Variants in CHN2 observed in about 807,000 individuals in gnomAD.
The protein encoded by CHN2 is chimerin 2, also known as beta-chimaerin.
In CHN2, 35 loss-of-function variants were observed where a neutral mutation model predicts 56.3. The observed-to-expected ratio is 0.62, with a 90% CI of 0.47 to 0.82. The LOEUF is 0.82. Among genes scored for constraint, CHN2 ranks in the 40% least tolerant of loss-of-function variants. The pLI is 0.00. For missense variants in CHN2, 491 were observed against 580.5 expected (o/e 0.85, Z 1.58); for synonymous variants, 210 against 212.8 (o/e 0.99, Z 0.12).
At chr7:29,508,259 A>G (rs1268483654) in intron 11 of CHN2, among the ~76,000 whole-genome samples, 1 of 151,728 alleles carries the variant, frequency 6.6e-6, no homozygotes. Context: ...GGAGAGAGGA[A>G]TAGAGTGAAA....
intron 1 of CHN2, among the ~76,000 whole-genome samples, chr7:29,303,139 A>T (rs1235807389): frequency 3.9e-5 from 6 of 152,214 alleles, no homozygotes; most frequent in Non-Finnish European, 5.9e-5. Flanking sequence ...CCCTGTCCCC[A>T]GTCATTCATC....
intron 6 of CHN2, among the ~76,000 whole-genome samples, chr7:29,432,429 T>C (rs7784412): frequency 0.038 from 5,813 of 152,268 alleles, 117 homozygotes; most frequent in South Asian, 0.057. Flanking sequence ...CTATGAACTC[T>C]ACCCACTTCC....
At chr7:29,379,704 A>G (rs1202221333) in intron 3 of CHN2, among the ~76,000 whole-genome samples, 2 of 152,182 alleles carry the variant, frequency 1.3e-5, no homozygotes, top group Non-Finnish European at 2.9e-5. Flanking sequence ...GAGTGGCAGG[A>G]TGTGCTCTGG....
In CHN2 at chr7:29,511,787, T is replaced by A. The variant is rs758074725; in HGVS notation, c.1236-777T>A. Among the ~76,000 whole-genome samples, 3 of 152,220 alleles carry A rather than the reference T, an allele frequency of 2.0e-5. No homozygotes were observed. In the South Asian group the frequency reaches 6.2e-4, roughly 32 times the overall value. On this transcript the variant is annotated intron_variant, in intron 12 of 12. Coordinates refer to ENST00000222792, the MANE Select transcript of CHN2 (RefSeq NM_004067.4). ...AACCCATTCCCTTTTACATCTATTA[T>A]GAACATTCTAAAACTTAAAGTTGTG...
At position 29,328,003 on chromosome 7, in the gene CHN2, T is replaced by C. The variant is rs1393105915; in HGVS notation, c.50-26622T>C. Among the ~76,000 whole-genome samples, 20 of 152,160 alleles carry C rather than the reference T, an allele frequency of 1.3e-4. 1 individual carries two copies. Among genetic ancestry groups the C allele is most frequent in the Admixed American group, 1.3e-3 (20 of 15,278 alleles). ...ATAATGTTTGATTGTCAGACATGGA[T>C]TCTATAGACGTTTTGAACAGAAAGC... On this transcript the variant is annotated intron_variant, in intron 1 of 12. Transcript: ENST00000222792.
intron 1 of CHN2, among the ~76,000 whole-genome samples, chr7:29,321,020 C>G (rs1795301984): frequency 6.6e-6 from 1 of 152,180 alleles, no homozygotes; most frequent in African/African-American, 2.4e-5. Context: ...TTAAAACTTC[C>G]TTGAGAATGA....
At chr7:29,478,734 C>T (rs1184380779) in intron 6 of CHN2, among the ~76,000 whole-genome samples, 2 of 152,182 alleles carry the variant, frequency 1.3e-5, no homozygotes, top group African/African-American at 4.8e-5. Context: ...CCATATGCTG[C>T]AGATTAAATG....
intron 3 of CHN2, among the ~76,000 whole-genome samples, chr7:29,376,032 A>G (rs1321528562): frequency 1.3e-5 from 2 of 152,236 alleles, no homozygotes; most frequent in Admixed American, 6.5e-5. Context: ...CAGATAAGCC[A>G]TGTCTCCTAC....
intron 1 of CHN2, among the ~76,000 whole-genome samples, chr7:29,310,401 A>C (rs1156289265): frequency 6.6e-6 from 1 of 152,236 alleles, no homozygotes; most frequent in Non-Finnish European, 1.5e-5. Context: ...TGTATTTGCA[A>C]TTAAAATGTA....
In CHN2 at chr7:29,398,355, ATGGTCT is replaced by A; in HGVS notation, c.177-15_177-10del. On this transcript the variant is annotated splice_polypyrimidine_tract_variant and intron_variant, in intron 4 of 12. Coordinates refer to ENST00000222792, the MANE Select transcript of CHN2 (RefSeq NM_004067.4). ...TGTATGTGGTCTGTTCAGAGCATTG[ATGGTCT>A]TGTACCTTCAGGTTTCATGGGATCA... 1 of 1,567,934 alleles carries A rather than the reference ATGGTCT, an allele frequency of 6.4e-7. No homozygotes were observed. Among genetic ancestry groups the A allele is most frequent in the Non-Finnish European group, 8.8e-7 (1 of 1,140,058 alleles).
At chr7:29,353,073 G>A (rs997857527) in intron 1 of CHN2, among the ~76,000 whole-genome samples, 3 of 152,216 alleles carry the variant, frequency 2.0e-5, no homozygotes, top group East Asian at 1.9e-4. Flanking sequence ...CTGACTGTGT[G>A]TGTGCCTAGG....
At chr7:29,190,410 A>ATTT (rs1286362177), upstream of CHN2, among the ~76,000 whole-genome samples, 3 of 152,160 alleles carry the variant, frequency 2.0e-5, no homozygotes, top group African/African-American at 7.2e-5. Flanking sequence ...CTTCACTAAA[A>ATTT]AACACTCCAG....
intron 7 of CHN2, among the ~76,000 whole-genome samples, chr7:29,489,483 A>G (rs1320456526): frequency 3.3e-5 from 5 of 152,270 alleles, no homozygotes; most frequent in Non-Finnish European, 4.4e-5. Flanking sequence ...CATAATAAGT[A>G]GAAGCCAAAT....
chr7:29,407,678 T>TG (rs1046761268), intron 6 of CHN2, among the ~76,000 whole-genome samples: 1 of 152,222 alleles, frequency 6.6e-6, no homozygotes, highest in African/African-American at 2.4e-5. Flanking sequence ...TTGCTGCCCT[T>TG]GCACGCAGTC....
intron 2 of CHN2, among the ~76,000 whole-genome samples, chr7:29,174,145 G>T (rs1796964389): frequency 6.6e-6 from 1 of 152,092 alleles, no homozygotes; most frequent in African/African-American, 2.4e-5. Context: ...CCCCCGTTTG[G>T]TGGCACAGGA....
chr7:29,288,992 G>T (rs1189752206), intron 1 of CHN2: 1 of 152,206 alleles, frequency 6.6e-6, no homozygotes, highest in African/African-American at 2.4e-5. Context: ...GGATGCCCAG[G>T]TTCCAGCACA....
chr7:29,402,471 C>A (rs1181304628), intron 6 of CHN2, among the ~76,000 whole-genome samples: 1 of 152,170 alleles, frequency 6.6e-6, no homozygotes, highest in African/African-American at 2.4e-5. Flanking sequence ...CCGGTCCAGA[C>A]AAAAGCCATT....
Position 29,149,319 on chromosome 7 carries a change from G to A in CHN2, c.274+2359G>A, listed in dbSNP as rs1050810986. On this transcript the variant is annotated intron_variant, in intron 2 of 6. Transcript: ENST00000439384. ...GCGATTCCCTGCTTCAGCCCCCCGAGTAAGCTGGGACTACAAGCACCCGCC... is the reference window on the plus strand; with the variant it reads ...GCGATTCCCTGCTTCAGCCCCCCGAATAAGCTGGGACTACAAGCACCCGCC... Among the ~76,000 whole-genome samples, 8 of 149,762 alleles carry A rather than the reference G, an allele frequency of 5.3e-5. No individual in the cohort carries two copies. In the Admixed American group the frequency reaches 5.4e-4, roughly 10 times the overall value.
intron 1 of CHN2, among the ~76,000 whole-genome samples, chr7:29,211,172 G>A (rs932355555): frequency 8.6e-5 from 13 of 151,916 alleles, no homozygotes; most frequent in East Asian, 3.9e-4. Flanking sequence ...CCGGGTTCAC[G>A]CCATTCTCCT....
Sources: allele counts gnomAD v4.1 joint callset (sites outside exome capture counted in the v4.1 genomes callset), GRCh38; gene constraint gnomAD v4.1.1; transcripts MANE v1.5; gene names NCBI Gene and HGNC (gene_info 2026-07-23, HGNC 2026-07-21).